The following LYPLAL1 variants were observed in gnomAD, a reference collection of about 807,000 sequenced individuals.
LYPLAL1 encodes lysophospholipase-like protein 1.
A neutral mutation model predicts 19.7 loss-of-function variants in LYPLAL1; 23 were observed. The observed-to-expected ratio is 1.17, with a 90% confidence interval of 0.84 to 1.65. The LOEUF (loss-of-function observed/expected upper bound fraction) is 1.65. Ranked by LOEUF, LYPLAL1 falls within the 40% of genes most tolerant of loss-of-function variation. The probability of loss-of-function intolerance (pLI) is 0.00; values close to 1 mark genes in which losing one functional copy is unlikely to be tolerated. For missense variants in LYPLAL1, 355 were observed against 279.4 expected, an observed-to-expected ratio of 1.27 and a Z score of -1.93; for synonymous variants, 119 against 96.3, an observed-to-expected ratio of 1.24 and a Z score of -1.38.
chr1:219,289,249 T>TA, the LYPLAL1 span, among the ~76,000 whole-genome samples: 1 of 152,174 alleles, frequency 6.6e-6, no homozygotes, highest in East Asian at 1.9e-4. Flanking sequence ...ACCTGATCAT[T>TA]ACTTAGTCTG....
the LYPLAL1 span, among the ~76,000 whole-genome samples, chr1:219,235,371 A>C: frequency 1.3e-5 from 2 of 152,230 alleles, no homozygotes; most frequent in Non-Finnish European, 2.9e-5. Flanking sequence ...ATCCTTGATT[A>C]CTACCAGACC....
At chr1:219,349,400 G>C in the LYPLAL1 span, among the ~76,000 whole-genome samples, 2 of 152,178 alleles carry the variant, frequency 1.3e-5, no homozygotes, top group African/African-American at 4.8e-5. Context: ...GGTGTAGGCA[G>C]TATGATGAGG....
chr1:219,444,399 A>G, the LYPLAL1 span, among the ~76,000 whole-genome samples: 1 of 152,196 alleles, frequency 6.6e-6, no homozygotes, highest in Non-Finnish European at 1.5e-5. Flanking sequence ...TGAAAATCTC[A>G]GTCCTTCCCC....
chr1:219,317,959 G>C, the LYPLAL1 span, among the ~76,000 whole-genome samples: 302 of 152,270 alleles, frequency 2.0e-3, 1 homozygote, highest in Admixed American at 3.6e-3. Flanking sequence ...CCAAGCGGCA[G>C]CAAGAAGCAA....
At chr1:219,263,471 G>A in the LYPLAL1 span, among the ~76,000 whole-genome samples, 10 of 152,164 alleles carry the variant, frequency 6.6e-5, no homozygotes, top group South Asian at 1.0e-3. Flanking sequence ...TCCACCTTCC[G>A]ATACTGATGG....
chr1:219,209,136 C>T (rs940059489), intron 3 of LYPLAL1, among the ~76,000 whole-genome samples: 2 of 152,036 alleles, frequency 1.3e-5, no homozygotes, highest in Non-Finnish European at 2.9e-5. Context: ...TTGAAAGAGC[C>T]TTTCAGGTGG....
the LYPLAL1 span, among the ~76,000 whole-genome samples, chr1:219,318,460 TTTC>T: frequency 6.6e-6 from 1 of 152,056 alleles, no homozygotes; most frequent in Admixed American, 6.6e-5. Flanking sequence ...AATGTCTGAT[TTTC>T]TCATCTCCAC....
chr1:219,368,709 A>G, the LYPLAL1 span, among the ~76,000 whole-genome samples: 5 of 152,046 alleles, frequency 3.3e-5, no homozygotes, highest in Non-Finnish European at 5.9e-5. Flanking sequence ...AACTGTAACA[A>G]TTCTGAACTA....
chr1:219,415,033 A>T, the LYPLAL1 span, among the ~76,000 whole-genome samples: 1 of 152,252 alleles, frequency 6.6e-6, no homozygotes, highest in Non-Finnish European at 1.5e-5. Flanking sequence ...AGAATAATGG[A>T]AAGATGTCCA....
Position 219,193,060 on chromosome 1 carries a change from G to C in LYPLAL1, c.192-22G>C. The C allele has an allele frequency of 2.7e-6, 4 of 1,504,230 alleles. No homozygotes were observed. In the East Asian group the frequency reaches 7.1e-5, roughly 27 times the overall value. 93.2% of individuals were successfully genotyped at this position (1,504,230 alleles called of 1,614,324 possible). ...TTCCCTTTTCCTTTCTTTTTTTTTG[G>C]GGGGGGGCGGTTGTTAAACAGATCA... is the stretch of plus-strand genomic sequence containing the variant. On this transcript the variant is annotated intron_variant, in intron 2 of 4. Coordinates refer to ENST00000366928, the MANE Select transcript of LYPLAL1 (RefSeq NM_138794.5).
the LYPLAL1 span, among the ~76,000 whole-genome samples, chr1:219,365,733 C>G: frequency 6.6e-6 from 1 of 152,056 alleles, no homozygotes; most frequent in Admixed American, 6.6e-5. Context: ...ACAGATGTGA[C>G]CATGATATAT....
chr1:219,238,802 T>A, the LYPLAL1 span, among the ~76,000 whole-genome samples: 1 of 152,192 alleles, frequency 6.6e-6, no homozygotes, highest in African/African-American at 2.4e-5. Context: ...TTAACCATTT[T>A]AAAAATAAAA....
the LYPLAL1 span, among the ~76,000 whole-genome samples, chr1:219,419,594 C>CACACACACACACACACACACAG: frequency 1.6e-4 from 16 of 99,602 alleles, no homozygotes; most frequent in Non-Finnish European, 2.0e-4. Flanking sequence ...CACACACACA[C>CACACACACACACACACACACAG]AGAGAGAGAG....
chr1:219,409,907 C>T, the LYPLAL1 span: 2 of 152,200 alleles, frequency 1.3e-5, no homozygotes, highest in Non-Finnish European at 2.9e-5. Context: ...TCCATTTTCA[C>T]TTTATGAGAG....
chr1:219,355,115 A>T, the LYPLAL1 span, among the ~76,000 whole-genome samples: 1 of 152,206 alleles, frequency 6.6e-6, no homozygotes, highest in Non-Finnish European at 1.5e-5. Flanking sequence ...ATCTTTCTGC[A>T]ATGATGGACG....
chr1:219,405,038 A>T, the LYPLAL1 span, among the ~76,000 whole-genome samples: 1 of 152,266 alleles, frequency 6.6e-6, no homozygotes, highest in Non-Finnish European at 1.5e-5. Context: ...GTTAATCATC[A>T]TCTATTTAAT....
the LYPLAL1 span, among the ~76,000 whole-genome samples, chr1:219,440,346 C>G: frequency 6.6e-6 from 1 of 151,986 alleles, no homozygotes; most frequent in Admixed American, 6.6e-5. Context: ...AAACAAAGGT[C>G]AACCCAGGAT....
the LYPLAL1 span, among the ~76,000 whole-genome samples, chr1:219,291,947 T>C: frequency 6.6e-6 from 1 of 151,870 alleles, no homozygotes; most frequent in Non-Finnish European, 1.5e-5. Context: ...TCAGGATTGA[T>C]TACAGTTTAA....
At chr1:219,257,394 T>C in the LYPLAL1 span, among the ~76,000 whole-genome samples, 2 of 148,968 alleles carry the variant, frequency 1.3e-5, no homozygotes, top group Admixed American at 6.8e-5. Context: ...TTGAATAGTA[T>C]TGGGGGAACC....
Sources: gnomAD v4.1 joint callset for allele counts (sites outside exome capture counted in the v4.1 genomes callset) on GRCh38, gnomAD v4.1.1 for gene constraint, MANE v1.5 for transcripts, NCBI Gene and HGNC (gene_info 2026-07-23, HGNC 2026-07-21) for gene names.